CACNA1D: variants seen among roughly 807,000 people sequenced by gnomAD.
CACNA1D encodes calcium voltage-gated channel subunit alpha1 D.
In CACNA1D, 55 loss-of-function variants were observed where a neutral mutation model predicts 257.1. That is an observed-to-expected ratio of 0.21 (90% CI 0.17 to 0.27). CACNA1D has a LOEUF of 0.27. Ranked by LOEUF, CACNA1D falls within the 10% of genes least tolerant of loss-of-function variation. The pLI, the probability that CACNA1D is intolerant of heterozygous loss-of-function variation, is 1.00. For synonymous variants in CACNA1D, 980 were observed against 1,014.9 expected (o/e 0.97, Z 0.65); for missense variants, 1,876 against 2,784.0 (o/e 0.67, Z 7.34).
At chr3:53,613,710 C>T (rs913470520) in intron 3 of CACNA1D, among the ~76,000 whole-genome samples, 2 of 151,978 alleles carry the variant, frequency 1.3e-5, no homozygotes, top group Admixed American at 6.6e-5. Context: ...TCCCACTAAA[C>T]GCTCCTGCAG....
chr3:53,557,539 A>C (rs2092669535), intron 3 of CACNA1D, among the ~76,000 whole-genome samples: 1 of 152,194 alleles, frequency 6.6e-6, no homozygotes, highest in Non-Finnish European at 1.5e-5. Flanking sequence ...CTTAGATTTA[A>C]TTTTTGTAGA....
At chr3:53,722,844 C>T (rs1315293010) in intron 12 of CACNA1D, among the ~76,000 whole-genome samples, 1 of 152,138 alleles carries the variant, frequency 6.6e-6, no homozygotes, top group Non-Finnish European at 1.5e-5. Flanking sequence ...TTGAATGCTC[C>T]AGCACTGGGG....
At chr3:53,729,652 G>C (rs191427968) in intron 15 of CACNA1D, among the ~76,000 whole-genome samples, 1 of 152,334 alleles carries the variant, frequency 6.6e-6, no homozygotes, top group Admixed American at 6.5e-5. Context: ...TACAACATTA[G>C]AGTAAGAGTG....
chr3:53,565,346 A>C (rs917237619), intron 3 of CACNA1D, among the ~76,000 whole-genome samples: 2 of 152,128 alleles, frequency 1.3e-5, no homozygotes, highest in Non-Finnish European at 2.9e-5. Context: ...ACACACACAC[A>C]CGTACACACA....
chr3:53,513,370 C>T (rs1400092077), intron 3 of CACNA1D, among the ~76,000 whole-genome samples: 3 of 152,136 alleles, frequency 2.0e-5, no homozygotes, highest in African/African-American at 4.8e-5. Context: ...GGTAGCCAGG[C>T]GTGCCTCACA....
chr3:53,557,221 C>A lies in CACNA1D; in HGVS notation c.483+55501C>A, dbSNP rs182062188. ...TTAAGATCTGTGGTCTATGGCCAGG[C>A]GTGGTGGCTCACCGCTGTAATCCCA... On this transcript the variant is annotated intron_variant, in intron 3 of 47. Coordinates refer to ENST00000350061, the MANE Select transcript of CACNA1D (RefSeq NM_001128840.3). 5.9e-3 allele frequency among the ~76,000 whole-genome samples: 903 copies of A among 152,140 alleles called. 5 individuals carry two copies. The highest frequency in any genetic ancestry group is 1.0e-2 in the Non-Finnish European group (677 of 67,972).
Position 53,660,191 on chromosome 3 carries a change from A to G in CACNA1D, c.682A>G (p.Ser228Gly). The G allele has an allele frequency of 6.2e-7, 1 of 1,614,076 alleles. No homozygotes were observed. The highest frequency in any genetic ancestry group is 8.5e-7 in the Non-Finnish European group (1 of 1,179,922). ...TKETEGGNHS[S>G]GKSGGFDVKA... ...AGAAACAGAAGGCGGGAACCACTCAAGCGGCAAATCTGGAGGCTTTGATGT... is the reference window on the plus strand; with the variant it reads ...AGAAACAGAAGGCGGGAACCACTCAGGCGGCAAATCTGGAGGCTTTGATGT... Residue 228 changes from serine (S) to glycine (G), a missense_variant, in exon 5 of 48, where the codon AGC (serine) becomes GGC (glycine). Physicochemically the swap from Ser to Gly is moderately conservative, Grantham distance 56. Transcript: ENST00000350061.
intron 3 of CACNA1D, among the ~76,000 whole-genome samples, chr3:53,647,816 C>G (rs1166219739): frequency 6.6e-6 from 1 of 152,188 alleles, no homozygotes; most frequent in African/African-American, 2.4e-5. Flanking sequence ...TCTGCCTGCT[C>G]TCCAGGCTGT....
chr3:53,552,528 G>C (rs1200449010), intron 3 of CACNA1D, among the ~76,000 whole-genome samples: 1 of 152,060 alleles, frequency 6.6e-6, no homozygotes, highest in Non-Finnish European at 1.5e-5. Context: ...TTAAAGACAT[G>C]CACCACCATG....
At chr3:53,614,229 A>G (rs1475914687) in intron 3 of CACNA1D, among the ~76,000 whole-genome samples, 3 of 152,126 alleles carry the variant, frequency 2.0e-5, no homozygotes, top group Admixed American at 6.5e-5. Context: ...CTTGTTGCAC[A>G]GAGCTTGACT....
At chr3:53,772,520 G>T (rs903215262) in intron 32 of CACNA1D, among the ~76,000 whole-genome samples, 4 of 152,210 alleles carry the variant, frequency 2.6e-5, no homozygotes, top group Non-Finnish European at 5.9e-5. Context: ...ATCCAGTAAT[G>T]AATTTAAGGA....
intron 4 of CACNA1D, among the ~76,000 whole-genome samples, chr3:53,658,252 A>T (rs1266870174): frequency 6.6e-6 from 1 of 152,034 alleles, no homozygotes; most frequent in Non-Finnish European, 1.5e-5. Context: ...TTAGAGTGGA[A>T]AGGTCATTCT....
intron 3 of CACNA1D, among the ~76,000 whole-genome samples, chr3:53,579,666 C>G (rs2093097503): frequency 6.6e-6 from 1 of 152,224 alleles, no homozygotes; most frequent in Non-Finnish European, 1.5e-5. Flanking sequence ...CAAGGTTGCT[C>G]TGAACTGAAC....
intron 8 of CACNA1D, among the ~76,000 whole-genome samples, chr3:53,676,441 A>G (rs915843642): frequency 6.6e-6 from 1 of 152,226 alleles, no homozygotes; most frequent in Non-Finnish European, 1.5e-5. Context: ...CAAAACCAGA[A>G]GGATATAAAT....
Position 53,809,912 on chromosome 3 carries a change from C to G in CACNA1D, c.5872-66C>G, listed in dbSNP as rs575825068. ...GCGCAGCGCCGGTGCTTGGTCTGTG[C>G]GCAGAAGGTTTGAGGCCCGGACCTC... On this transcript the variant is annotated intron_variant, in intron 46 of 47. Coordinates refer to ENST00000350061, the MANE Select transcript of CACNA1D (RefSeq NM_001128840.3). 1.3e-4 allele frequency: 194 copies of G among 1,474,332 alleles called. 2 individuals carry two copies. In the South Asian group the frequency reaches 2.0e-3, roughly 15 times the overall value. 91.3% of individuals were successfully genotyped at this position (1,474,332 alleles called of 1,614,324 possible).
chr3:53,625,416 A>G (rs2093745960), intron 3 of CACNA1D, among the ~76,000 whole-genome samples: 1 of 152,188 alleles, frequency 6.6e-6, no homozygotes, highest in African/African-American at 2.4e-5. Flanking sequence ...AGCAGCCTGC[A>G]TCATGCCTCT....
chr3:53,718,790 G>C (rs1411892291), intron 10 of CACNA1D: 1 of 1,460,218 alleles, frequency 6.8e-7, no homozygotes, highest in Non-Finnish European at 9.3e-7. Flanking sequence ...TTGTGCTTTT[G>C]AAGAAGAGCT....
intron 9 of CACNA1D, among the ~76,000 whole-genome samples, chr3:53,711,206 A>G (rs760150461): frequency 6.6e-6 from 1 of 152,232 alleles, no homozygotes; most frequent in East Asian, 1.9e-4. Flanking sequence ...ATATTGCGCC[A>G]TTACACTCCA....
chr3:53,803,619 G>C (rs1237917222), intron 44 of CACNA1D, 47 bp downstream of exon 44: 2 of 1,601,570 alleles, frequency 1.2e-6, no homozygotes, highest in Non-Finnish European at 8.5e-7. Flanking sequence ...GCCCTGCCCT[G>C]GTGCTCGGCC....
Sources: allele counts gnomAD v4.1 joint callset (sites outside exome capture counted in the v4.1 genomes callset), GRCh38; gene constraint gnomAD v4.1.1; transcripts MANE v1.5; gene names NCBI Gene and HGNC (gene_info 2026-07-23, HGNC 2026-07-21).